PAPSS2: variants seen among roughly 807,000 people sequenced by gnomAD.
PAPSS2 encodes bifunctional 3'-phosphoadenosine 5'-phosphosulfate synthase 2.
In PAPSS2, 61 loss-of-function variants were observed where a neutral mutation model predicts 66.5. That is an observed-to-expected ratio of 0.92 (90% confidence interval 0.75 to 1.14). The LOEUF (loss-of-function observed/expected upper bound fraction) is 1.14. PAPSS2 is among the 50% of genes most tolerant of loss of function. PAPSS2 has a pLI of 0.00. For synonymous variants in PAPSS2, 289 were observed against 287.5 expected, an observed-to-expected ratio of 1.01 and a Z score of -0.05; for missense variants, 708 against 789.6, an observed-to-expected ratio of 0.90 and a Z score of 1.24.
chr10:87,713,603 C>G (rs1853495454), intron 3 of PAPSS2, among the ~76,000 whole-genome samples: 1 of 152,126 alleles, frequency 6.6e-6, no homozygotes, highest in African/African-American at 2.4e-5. Context: ...GAAAGTTAAA[C>G]AAGAGAAACT....
intron 1 of PAPSS2, among the ~76,000 whole-genome samples, chr10:87,696,148 C>T (rs1853232352): frequency 6.6e-6 from 1 of 152,162 alleles, no homozygotes; most frequent in South Asian, 2.1e-4. Context: ...ATCTTGGGTC[C>T]ATTCGAGGGC....
intron 9 of PAPSS2, among the ~76,000 whole-genome samples, chr10:87,732,991 T>C (rs546254024): frequency 6.6e-6 from 1 of 152,350 alleles, no homozygotes; most frequent in African/African-American, 2.4e-5. Context: ...TTGTTGAAGA[T>C]TGTCGCATGT....
At chr10:87,739,282 G>A (rs1223594351) in intron 9 of PAPSS2, among the ~76,000 whole-genome samples, 3 of 152,120 alleles carry the variant, frequency 2.0e-5, no homozygotes, top group Admixed American at 2.0e-4. Flanking sequence ...CCCCCATTGA[G>A]TGGTCCTGGT....
At chr10:87,721,242 G>T (rs1302215339) in intron 7 of PAPSS2, among the ~76,000 whole-genome samples, 1 of 152,188 alleles carries the variant, frequency 6.6e-6, no homozygotes, top group Non-Finnish European at 1.5e-5. Context: ...AATCCAGGTT[G>T]TCCTGGATCT....
chr10:87,674,972 A>G (rs1852927432), intron 1 of PAPSS2, among the ~76,000 whole-genome samples: 1 of 152,228 alleles, frequency 6.6e-6, no homozygotes, highest in Admixed American at 6.5e-5. Flanking sequence ...ACAGACACAG[A>G]TACACAATTT....
intron 8 of PAPSS2, 29 bp from the exon 9 acceptor site, chr10:87,727,255 T>C: frequency 1.9e-6 from 3 of 1,591,382 alleles, no homozygotes; most frequent in Non-Finnish European, 1.7e-6. Context: ...TATATCTAGT[T>C]TTCGTGCATC....
chr10:87,728,417 C>T (rs1341622900), intron 9 of PAPSS2, among the ~76,000 whole-genome samples: 2 of 152,208 alleles, frequency 1.3e-5, no homozygotes, highest in African/African-American at 2.4e-5. Context: ...GGCATGCCCT[C>T]CCTCTGGGCC....
At chr10:87,686,796 G>T (rs1321854849) in intron 1 of PAPSS2, among the ~76,000 whole-genome samples, 1 of 152,110 alleles carries the variant, frequency 6.6e-6, no homozygotes, top group African/African-American at 2.4e-5. Context: ...CCTTTGAAAA[G>T]AATTCCTAAA....
chr10:87,670,234 A>G (rs887631598), intron 1 of PAPSS2, among the ~76,000 whole-genome samples: 21 of 152,368 alleles, frequency 1.4e-4, no homozygotes, highest in Middle Eastern at 3.4e-3. Flanking sequence ...ATTTGTTTCC[A>G]CTAGCTGCAA....
chr10:87,675,975 T>C (rs3887356), intron 1 of PAPSS2, among the ~76,000 whole-genome samples: 7,725 of 71,890 alleles, frequency 0.11, 294 homozygotes, highest in African/African-American at 0.14. Context: ...ACATTTCTTT[T>C]TTTTTTTTTT....
intron 1 of PAPSS2, among the ~76,000 whole-genome samples, chr10:87,701,243 T>C (rs11202518): frequency 9.7e-6 from 1 of 103,066 alleles, no homozygotes; most frequent in Non-Finnish European, 1.8e-5. Context: ...CTTTCTTTTT[T>C]CTTTTTTCTT....
At chr10:87,734,663 GTA>G (rs66686947) in intron 9 of PAPSS2, among the ~76,000 whole-genome samples, 8,690 of 80,412 alleles carry the variant, frequency 0.11, 442 homozygotes, top group Middle Eastern at 0.15. Context: ...GAATGTGTGT[GTA>G]TATATATATA....
intron 1 of PAPSS2, among the ~76,000 whole-genome samples, chr10:87,701,378 TTCTTTC>T (rs1260195488): frequency 3.8e-5 from 4 of 104,836 alleles, no homozygotes; most frequent in Non-Finnish European, 7.1e-5. Context: ...CTTTCTTTCT[TTCTTTC>T]TTTCTTTCTT....
intron 4 of PAPSS2, 111 bp downstream of exon 4, chr10:87,714,293 T>C: frequency 8.7e-7 from 1 of 1,149,464 alleles, no homozygotes; most frequent in East Asian, 2.3e-5. Context: ...CAAAATTGCA[T>C]ATAACATGCA....
At chr10:87,722,173 C>T (rs766398504) in intron 8 of PAPSS2, among the ~76,000 whole-genome samples, 4 of 152,092 alleles carry the variant, frequency 2.6e-5, no homozygotes, top group Non-Finnish European at 5.9e-5. Context: ...AAGAATAAAT[C>T]GATTTAAACT....
chr10:87,713,390 G>A (rs1853491330), intron 3 of PAPSS2, 80 bp downstream of exon 3: 9 of 800,254 alleles, frequency 1.1e-5, no homozygotes, highest in Non-Finnish European at 1.7e-5. Flanking sequence ...GCTAGGGGAA[G>A]GAATCGGAGA....
At chr10:87,686,090 T>C (rs1374961112) in intron 1 of PAPSS2, among the ~76,000 whole-genome samples, 1 of 151,496 alleles carries the variant, frequency 6.6e-6, no homozygotes, top group Non-Finnish European at 1.5e-5. Flanking sequence ...GGTTTCCTGC[T>C]CTGAAAAATA....
rs774204956 is a variant in PAPSS2, at chr10:87,745,103, G to C, written c.1593G>C (p.Leu531=). 6.2e-7 allele frequency: 1 copy of C among 1,614,148 alleles called. No individual in the cohort carries two copies. The highest frequency in any genetic ancestry group is 8.5e-7 in the Non-Finnish European group (1 of 1,179,998). The change falls in exon 12 of 13, where the codon CTG becomes CTC. Residue 531 remains leucine (L), a synonymous_variant. Transcript: ENST00000456849. The stretch of plus-strand genomic sequence containing the variant: ...CCCATCCTGAAACCAAGAAGGATCT[G>C]TATGAACCCACTCATGGGGGCAAGG... ...GMPHPETKKD[L]YEPTHGGKVL... is the part of the protein sequence containing the mutation.
Position 87,746,215 on chromosome 10 carries a change from T to G in PAPSS2, c.*245T>G. The G allele has an allele frequency of 3.6e-6, 1 of 280,582 alleles. No homozygotes were observed. The highest frequency in any genetic ancestry group is 6.6e-6 in the Non-Finnish European group (1 of 152,300). 17.4% of individuals were successfully genotyped at this position (280,582 alleles called of 1,614,324 possible). On this transcript the variant is annotated 3_prime_UTR_variant, in exon 13 of 13. Transcript: ENST00000456849. Reference sequence around the variant, plus strand: ...ATTCTTATACATTTCATAATAAAATTAGCTCTATGTATTTTCTACTGCACC... The same window carrying G: ...ATTCTTATACATTTCATAATAAAATGAGCTCTATGTATTTTCTACTGCACC...
Sources: allele counts gnomAD v4.1 joint callset (sites outside exome capture counted in the v4.1 genomes callset), GRCh38; gene constraint gnomAD v4.1.1; transcripts MANE v1.5; gene names NCBI Gene and HGNC (gene_info 2026-07-23, HGNC 2026-07-21).